BBOX1: variants seen among roughly 807,000 people sequenced by gnomAD.
The protein encoded by BBOX1 is gamma-butyrobetaine hydroxylase 1, also known as gamma-butyrobetaine dioxygenase.
A neutral mutation model predicts 41.6 loss-of-function variants in BBOX1; 35 were observed. That is an observed-to-expected ratio of 0.84 (90% confidence interval 0.64 to 1.11). The LOEUF is 1.11. Ranked by LOEUF, BBOX1 falls within the 50% of genes most tolerant of loss-of-function variation. The pLI is 0.00. For missense variants in BBOX1, 458 were observed against 460.6 expected (o/e 0.99, Z 0.05); for synonymous variants, 163 against 154.7 (o/e 1.05, Z -0.40).
At chr11:27,049,233 C>G (rs1851592988) in intron 2 of BBOX1, among the ~76,000 whole-genome samples, 2 of 151,862 alleles carry the variant, frequency 1.3e-5, no homozygotes, top group East Asian at 1.9e-4. Context: ...ATATTCTCAC[C>G]AAGACTTATC....
At position 27,055,630 on chromosome 11, in the gene BBOX1, T is replaced by G; in HGVS notation, c.200T>G (p.Leu67Trp). 1 of 1,613,644 alleles carries G rather than the reference T, an allele frequency of 6.2e-7. No homozygotes were observed. ...ALDVNIGIKG[L>W]IFDRKKVYIT... ...GATGTGAACATTGGAATTAAAGGCT[T>G]GATATTTGACAGAAAAAAGGTAATT... Residue 67 changes from leucine to tryptophan, a missense_variant, in exon 3 of 9, where the codon TTG (leucine) becomes TGG (tryptophan). Physicochemically the swap from Leu to Trp is moderately conservative, Grantham distance 61. Coordinates refer to ENST00000263182, the MANE Select transcript of BBOX1 (RefSeq NM_003986.3).
In BBOX1 at chr11:27,073,150, T is replaced by G. The variant is rs938250679; in HGVS notation, c.334+15835T>G. Among the ~76,000 whole-genome samples the G allele has an allele frequency of 9.9e-5, 15 of 152,222 alleles. 2 individuals carry two copies. Among genetic ancestry groups the G allele is most frequent in the African/African-American group, 3.6e-4 (15 of 41,532 alleles). On this transcript the variant is annotated intron_variant, in intron 4 of 8. Coordinates refer to ENST00000263182, the MANE Select transcript of BBOX1 (RefSeq NM_003986.3). ...GCAACCTACAGAATGGGAGAAAATT[T>G]TTGCAATCTACTCATCTGACAAAGG... is the stretch of plus-strand genomic sequence containing the variant.
intron 5 of BBOX1, among the ~76,000 whole-genome samples, chr11:27,093,951 G>A (rs1342372954): frequency 6.6e-6 from 1 of 151,956 alleles, no homozygotes; most frequent in Non-Finnish European, 1.5e-5. Flanking sequence ...TAACAGGTGA[G>A]ATGAAAGACT....
intron 7 of BBOX1, among the ~76,000 whole-genome samples, chr11:27,125,392 C>A (rs1312114080): frequency 6.6e-6 from 1 of 151,910 alleles, no homozygotes; most frequent in Non-Finnish European, 1.5e-5. Flanking sequence ...AAATTTTTAA[C>A]TTGAATCTCT....
Position 27,127,378 on chromosome 11 carries a change from A to C in BBOX1, c.1089A>C (p.Glu363Asp). 1 of 1,614,192 alleles carries C rather than the reference A, an allele frequency of 6.2e-7. No individual in the cohort carries two copies. The highest frequency in any genetic ancestry group is 8.5e-7 in the Non-Finnish European group (1 of 1,180,016). ...GAACTGAGATATCCCGCCATCTAGA[A>C]GGAGCTTATGCTGACTGGGATGTGG... ...EAGTEISRHLEGAYADWDVVM... is the reference protein window; with the variant it reads ...EAGTEISRHLDGAYADWDVVM... The change falls in exon 9 of 9, where the codon GAA becomes GAC. Residue 363 changes from glutamate (E) to aspartate (D), a missense_variant. Physicochemically the swap from Glu to Asp is conservative, Grantham distance 45. Transcript: ENST00000263182.
At chr11:27,090,874 C>A (rs188190609) in intron 4 of BBOX1, among the ~76,000 whole-genome samples, 4 of 151,816 alleles carry the variant, frequency 2.6e-5, no homozygotes, top group African/African-American at 9.7e-5. Flanking sequence ...AAGAATTTAG[C>A]GATCTCTTCC....
At chr11:27,122,707 T>C (rs1282712433) in intron 7 of BBOX1, among the ~76,000 whole-genome samples, 2 of 152,078 alleles carry the variant, frequency 1.3e-5, no homozygotes, top group African/African-American at 4.8e-5. Flanking sequence ...ATTGTATCTA[T>C]CAATGAGACA....
chr11:27,091,364 C>T (rs1858235892), intron 4 of BBOX1, among the ~76,000 whole-genome samples: 1 of 151,926 alleles, frequency 6.6e-6, no homozygotes, highest in Non-Finnish European at 1.5e-5. Flanking sequence ...AAAATATTAG[C>T]CTTATTGAAA....
intron 5 of BBOX1, among the ~76,000 whole-genome samples, chr11:27,114,014 C>A (rs1230455090): frequency 6.6e-6 from 1 of 151,598 alleles, no homozygotes; most frequent in Non-Finnish European, 1.5e-5. Flanking sequence ...CCCATAAAAT[C>A]CACCCAAAAA....
At chr11:27,118,924 C>CAAA (rs11396790) in intron 6 of BBOX1, among the ~76,000 whole-genome samples, 7 of 139,100 alleles carry the variant, frequency 5.0e-5, no homozygotes, top group African/African-American at 1.6e-4. Flanking sequence ...GTTCCTTCCT[C>CAAA]AAAAAAAAAA....
chr11:27,092,696 C>T (rs187004224), intron 4 of BBOX1, among the ~76,000 whole-genome samples: 7 of 152,022 alleles, frequency 4.6e-5, no homozygotes, highest in African/African-American at 1.7e-4. Flanking sequence ...GAAAGAAGAG[C>T]TGTACCTACC....
intron 2 of BBOX1, among the ~76,000 whole-genome samples, chr11:27,043,393 C>CTGGGGTAGATGTGCAGAATGTGCAGGTT (rs1851396713): frequency 7.3e-6 from 1 of 136,964 alleles, no homozygotes; most frequent in South Asian, 2.5e-4. Context: ...CTTTTAAGTG[C>CTGGGGTAGATGTGCAGAATGTGCAGGTT]TGGGGTACAT....
At position 27,125,779 on chromosome 11, in the gene BBOX1, T is replaced by C. The variant is rs759918557; in HGVS notation, c.962T>C (p.Met321Thr). The change falls in exon 8 of 9, where the codon ATG becomes ACG. Residue 321 changes from methionine (M) to threonine (T), a missense_variant. Physicochemically the swap from Met to Thr is moderately conservative, Grantham distance 81. Transcript: ENST00000263182. ...YAALKEFVDL[M>T]NSKESKFTFK... ...GCTCTGAAGGAGTTTGTTGACCTCA[T>C]GAACAGCAAAGAATCCAAGTTTACC... The C allele has an allele frequency of 5.0e-6, 8 of 1,613,160 alleles. No individual in the cohort carries two copies. The highest frequency in any genetic ancestry group is 6.8e-6 in the Non-Finnish European group (8 of 1,179,724).
At chr11:27,097,412 C>T (rs553686410) in intron 5 of BBOX1, among the ~76,000 whole-genome samples, 64 of 152,080 alleles carry the variant, frequency 4.2e-4, no homozygotes, top group Non-Finnish European at 7.7e-4. Flanking sequence ...ATGTATCCTA[C>T]GAAGTAAATC....
intron 2 of BBOX1, among the ~76,000 whole-genome samples, chr11:27,046,973 A>C (rs905640670): frequency 6.6e-6 from 1 of 152,106 alleles, no homozygotes; most frequent in Non-Finnish European, 1.5e-5. Flanking sequence ...ATAATCCAGA[A>C]AAAGTTAAAG....
intron 4 of BBOX1, among the ~76,000 whole-genome samples, chr11:27,062,427 T>C (rs1354475569): frequency 1.3e-5 from 2 of 152,196 alleles, no homozygotes; most frequent in Non-Finnish European, 2.9e-5. Flanking sequence ...TTAAGATCTT[T>C]ATAAGTTTAA....
chr11:27,093,378 A>G lies in BBOX1; in HGVS notation c.533+12A>G. ...CTCACATTTTATGGGTGAGTCACCA[A>G]ATGGTTTGTATTCTGCCATCACAGA... On this transcript the variant is annotated intron_variant, in intron 5 of 8. Coordinates refer to ENST00000263182, the MANE Select transcript of BBOX1 (RefSeq NM_003986.3). The G allele has an allele frequency of 6.2e-7, 1 of 1,610,970 alleles. No individual in the cohort carries two copies. The highest frequency in any genetic ancestry group is 8.5e-7 in the Non-Finnish European group (1 of 1,177,930).
chr11:27,124,427 T>C (rs1295777731), intron 7 of BBOX1, among the ~76,000 whole-genome samples: 2 of 152,212 alleles, frequency 1.3e-5, no homozygotes, highest in Non-Finnish European at 2.9e-5. Flanking sequence ...GAGTTTCCTC[T>C]TTTTGCCTCT....
intron 5 of BBOX1, among the ~76,000 whole-genome samples, chr11:27,098,114 A>G (rs1858509164): frequency 6.6e-6 from 1 of 151,954 alleles, no homozygotes; most frequent in African/African-American, 2.4e-5. Flanking sequence ...TATTCTGACT[A>G]CAGACAACCT....
Sources: gnomAD v4.1 joint callset for allele counts (sites outside exome capture counted in the v4.1 genomes callset) on GRCh38, gnomAD v4.1.1 for gene constraint, MANE v1.5 for transcripts, NCBI Gene and HGNC (gene_info 2026-07-23, HGNC 2026-07-21) for gene names.